The following NBPF15 variants were observed in gnomAD, a reference collection of about 807,000 sequenced individuals.
NBPF15 encodes the protein NBPF family member NBPF15.
In NBPF15, 74 loss-of-function variants were observed where a neutral mutation model predicts 62.2. The observed-to-expected ratio is 1.19, with a 90% confidence interval of 0.99 to 1.44. NBPF15 has a LOEUF of 1.44. Ranked by LOEUF, NBPF15 falls within the 40% of genes most tolerant of loss-of-function variation. The probability of loss-of-function intolerance (pLI) is 0.00; values close to 1 mark genes in which losing one functional copy is unlikely to be tolerated. For synonymous variants in NBPF15, 244 were observed against 209.7 expected, an observed-to-expected ratio of 1.16 and a Z score of -1.41; for missense variants, 790 against 550.0, an observed-to-expected ratio of 1.44 and a Z score of -4.36.
chr1:144,423,884 G>A lies in NBPF15; in HGVS notation c.1755C>T (p.Asn585=). Residue 585 remains asparagine (N), a synonymous_variant, in exon 21 of 22, where the codon AAC becomes AAT. Transcript: ENST00000581897. The part of the protein sequence containing the change: ...RRGRKEGEDD[N]PPCPRLYGVL... The stretch of plus-strand genomic sequence containing the variant: ...CTGAAAGTTACCTGGGGCATGGTGG[G>A]TTGTCATCTTCCCCTTCTTTTCTTC... The A allele has an allele frequency of 3.9e-6, 3 of 779,084 alleles. No homozygotes were observed. 48.3% of individuals were successfully genotyped at this position (779,084 alleles called of 1,614,324 possible).
chr1:144,428,522 A>G, intron 15 of NBPF15, 84 bp downstream of exon 15: 1 of 755,462 alleles, frequency 1.3e-6, no homozygotes, highest in East Asian at 2.4e-5. Flanking sequence ...CAAAATCATT[A>G]TTTTCAGCAT....
Position 144,430,824 on chromosome 1 carries a change from T to G in NBPF15, c.825-961A>C, listed in dbSNP as rs1383078380. ...ACTCATCTCAAGGAAGCTAAAAACC[T>G]TGAAAAAAGATTAGACGAATGGCTA... On this transcript the variant is annotated intron_variant, in intron 13 of 21. Transcript: ENST00000581897. Among the ~76,000 whole-genome samples, 4 of 145,290 alleles carry G rather than the reference T, an allele frequency of 2.8e-5. No homozygotes were observed. In the South Asian group the frequency reaches 9.3e-4, roughly 34 times the overall value.
At chr1:144,433,406 C>A (rs1675952046) in intron 13 of NBPF15, among the ~76,000 whole-genome samples, 1 of 151,268 alleles carries the variant, frequency 6.6e-6, no homozygotes, top group Non-Finnish European at 1.5e-5. Flanking sequence ...AGAAGCAAAG[C>A]AAACAAATTC....
rs1240238116 is a variant in NBPF15 at position 144,457,844 on chromosome 1, CTT to C, written c.-700-1041_-700-1040del. Among the ~76,000 whole-genome samples, 4 of 151,998 alleles carry C rather than the reference CTT, an allele frequency of 2.6e-5. 1 individual carries two copies. The highest frequency in any genetic ancestry group is 7.3e-5 in the African/African-American group (3 of 41,372). On this transcript the variant is annotated intron_variant, in intron 3 of 21. Coordinates refer to ENST00000581897, the MANE Select transcript of NBPF15 (RefSeq NM_001385408.1). ...ATGGCTTATGCCTGTAATCCCAACA[CTT>C]TGAGATGCCAAGGTGGGAGGATCAT...
chr1:144,422,929 A>T lies in NBPF15; in HGVS notation c.*84T>A, dbSNP rs1363899348. ...ACCCATCCTATGTCTGGGCTTCCAAATGGAACTGTACTTTCATTCAAATCT... is the reference window on the plus strand; with the variant it reads ...ACCCATCCTATGTCTGGGCTTCCAATTGGAACTGTACTTTCATTCAAATCT... On this transcript the variant is annotated 3_prime_UTR_variant, in exon 22 of 22. Coordinates refer to ENST00000581897, the MANE Select transcript of NBPF15 (RefSeq NM_001385408.1). The T allele has an allele frequency of 6.2e-7, 1 of 1,611,134 alleles. No individual in the cohort carries two copies. The highest frequency in any genetic ancestry group is 1.3e-5 in the African/African-American group (1 of 74,768).
intron 13 of NBPF15, among the ~76,000 whole-genome samples, chr1:144,430,522 G>A (rs546737): frequency 1.3e-4 from 19 of 148,328 alleles, no homozygotes; most frequent in Admixed American, 4.7e-4. Flanking sequence ...GAAAGGAATA[G>A]CATCAACATC....
intron 3 of NBPF15, among the ~76,000 whole-genome samples, chr1:144,458,767 G>A (rs1212791526): frequency 6.6e-6 from 1 of 152,098 alleles, no homozygotes; most frequent in African/African-American, 2.4e-5. Flanking sequence ...TAGCCGGGTG[G>A]GGTGGCTCAT....
At chr1:144,438,488 G>A (rs1187807826) in intron 8 of NBPF15, among the ~76,000 whole-genome samples, 16 of 152,064 alleles carry the variant, frequency 1.1e-4, no homozygotes, top group African/African-American at 3.9e-4. Flanking sequence ...GGACAAGTAT[G>A]TGAAAGATTT....
Position 144,422,872 on chromosome 1 carries a change from G to C in NBPF15, c.*141C>G, listed in dbSNP as rs1299011252. Reference sequence around the variant, plus strand: ...TTGAGCACAGGTTGCCAATGGCATGGTTTGAGAATAGGAATAGAGCCATGC... The same window carrying C: ...TTGAGCACAGGTTGCCAATGGCATGCTTTGAGAATAGGAATAGAGCCATGC... On this transcript the variant is annotated 3_prime_UTR_variant, in exon 22 of 22. Coordinates refer to ENST00000581897, the MANE Select transcript of NBPF15 (RefSeq NM_001385408.1). 2 of 1,583,992 alleles carry C rather than the reference G, an allele frequency of 1.3e-6. No homozygotes were observed. The highest frequency in any genetic ancestry group is 2.7e-5 in the African/African-American group (2 of 73,978).
chr1:144,435,088 G>A (rs1421522945), intron 12 of NBPF15, 23 bp downstream of exon 12: 6 of 1,612,136 alleles, frequency 3.7e-6, no homozygotes, highest in Non-Finnish European at 5.1e-6. Flanking sequence ...AGAGGTATGA[G>A]ACACAAGGAA....
rs74649888 is a variant in NBPF15 at position 144,423,247 on chromosome 1, G to A, written c.1779C>T (p.Gly593=). 4.9e-4 allele frequency: 793 copies of A among 1,611,278 alleles called. 8 individuals are homozygous for A. Among genetic ancestry groups the A allele is most frequent in the African/African-American group, 4.2e-3 (312 of 74,778 alleles). The change falls in exon 22 of 22, where the codon GGC becomes GGT. Residue 593 remains glycine (G), a synonymous_variant. Coordinates refer to ENST00000581897, the MANE Select transcript of NBPF15 (RefSeq NM_001385408.1). The part of the protein sequence containing the change: ...DDNPPCPRLY[G]VLMEVEEPEV... Reference sequence around the variant, plus strand: ...CAGGCTCTTCCACTTCCATCAGCACGCCGTAGAGCCTGGAAAAGGAGACAA... The same window carrying A: ...CAGGCTCTTCCACTTCCATCAGCACACCGTAGAGCCTGGAAAAGGAGACAA...
At chr1:144,453,257 T>C (rs1223664511) in intron 4 of NBPF15, among the ~76,000 whole-genome samples, 111 of 151,132 alleles carry the variant, frequency 7.3e-4, no homozygotes, top group Non-Finnish European at 9.3e-4. Flanking sequence ...TTCCAACTAG[T>C]GGTGCTAGAA....
intron 19 of NBPF15, among the ~76,000 whole-genome samples, chr1:144,425,105 G>C (rs61802097): frequency 0.039 from 4,087 of 105,436 alleles, 2 homozygotes; most frequent in Admixed American, 0.068. Context: ...CACACACACA[G>C]ACACACACAC....
chr1:144,447,764 C>T (rs587724524), intron 6 of NBPF15, among the ~76,000 whole-genome samples: 4,142 of 152,118 alleles, frequency 0.027, 193 homozygotes, highest in African/African-American at 0.094. Flanking sequence ...AACTGTTGTT[C>T]CAACAGTTGT....
intron 6 of NBPF15, among the ~76,000 whole-genome samples, chr1:144,447,514 G>T (rs1442153262): frequency 6.6e-6 from 1 of 151,862 alleles, no homozygotes; most frequent in Non-Finnish European, 1.5e-5. Context: ...AACTACAAGT[G>T]TGCACACAGG....
chr1:144,459,119 C>A (rs200451436), intron 3 of NBPF15, among the ~76,000 whole-genome samples: 31 of 151,866 alleles, frequency 2.0e-4, no homozygotes, highest in East Asian at 5.8e-4. Flanking sequence ...CTCCTAGGTT[C>A]GGCATTGATT....
chr1:144,424,971 T>C (rs1553538996), intron 19 of NBPF15, 109 bp from the exon 20 acceptor site: 3 of 381,612 alleles, frequency 7.9e-6, no homozygotes, highest in South Asian at 7.4e-5. Flanking sequence ...ACTAAAAGGA[T>C]AGATCCATTA....
chr1:144,424,033 A>C (rs1343847324), intron 20 of NBPF15, 58 bp from the exon 21 acceptor site: 2 of 760,700 alleles, frequency 2.6e-6, no homozygotes, highest in Non-Finnish European at 4.8e-6. Flanking sequence ...CACATATAAC[A>C]ATCCACTGTC....
At chr1:144,457,726 A>C (rs1166218441) in intron 3 of NBPF15, among the ~76,000 whole-genome samples, 1 of 152,064 alleles carries the variant, frequency 6.6e-6, no homozygotes, top group Non-Finnish European at 1.5e-5. Flanking sequence ...AACAATGAAT[A>C]CTATACTCAT....
Sources: allele counts gnomAD v4.1 joint callset (sites outside exome capture counted in the v4.1 genomes callset), GRCh38; gene constraint gnomAD v4.1.1; transcripts MANE v1.5; gene names NCBI Gene and HGNC (gene_info 2026-07-23, HGNC 2026-07-21).